The following FERMT1 variants were observed in gnomAD, a reference collection of about 807,000 sequenced individuals.
FERMT1 encodes the protein fermitin family homolog 1.
In FERMT1, 60 loss-of-function variants were observed where a neutral mutation model predicts 85.3. That is an observed-to-expected ratio of 0.70 (90% CI 0.57 to 0.87). FERMT1 has a LOEUF of 0.87. Ranked by LOEUF, FERMT1 falls within the 40% of genes least tolerant of loss-of-function variation. FERMT1 has a pLI of 0.00. For missense variants in FERMT1, 701 were observed against 818.9 expected, an observed-to-expected ratio of 0.86 and a Z score of 1.76; for synonymous variants, 275 against 301.1, an observed-to-expected ratio of 0.91 and a Z score of 0.90.
intron 13 of FERMT1, 139 bp from the exon 14 acceptor site, chr20:6,079,716 G>T: frequency 1.2e-6 from 1 of 828,110 alleles, no homozygotes; most frequent in Non-Finnish European, 1.9e-6. Flanking sequence ...TTAACTTTCT[G>T]CAGGGGGGCA....
In FERMT1 at chr20:6,097,006, C is replaced by G; in HGVS notation, c.985G>C (p.Ala329Pro). 6.2e-7 allele frequency: 1 copy of G among 1,613,946 alleles called. No homozygotes were observed. The highest frequency in any genetic ancestry group is 1.3e-5 in the African/African-American group (1 of 75,022). Residue 329 changes from alanine (A) to proline (P), a missense_variant, in exon 8 of 15, where the codon GCT becomes CCT. Transcript: ENST00000217289. The part of the protein sequence containing the change: ...QYHISKLSLS[A>P]ETQDFAGESE... ...TCGCCTGCAAAATCCTGTGTTTCAG[C>G]AGACAACGACAGTTTGCTAATGTGG... is the stretch of plus-strand genomic sequence containing the variant.
intron 13 of FERMT1, 117 bp downstream of exon 13, chr20:6,083,923 C>A: frequency 8.4e-7 from 1 of 1,187,980 alleles, no homozygotes; most frequent in Admixed American, 1.9e-5. Context: ...TATAAAAGGG[C>A]AATATTCTCA....
At chr20:6,111,630 T>TA (rs1032793957) in intron 4 of FERMT1, among the ~76,000 whole-genome samples, 3 of 149,422 alleles carry the variant, frequency 2.0e-5, no homozygotes, top group African/African-American at 7.4e-5. Flanking sequence ...AGACTCTGTC[T>TA]AAAAAAACAA....
intron 9 of FERMT1, among the ~76,000 whole-genome samples, chr20:6,094,601 C>T (rs998180716): frequency 6.6e-6 from 1 of 152,190 alleles, no homozygotes; most frequent in Non-Finnish European, 1.5e-5. Flanking sequence ...TGAGGGTTCA[C>T]GCTGCCATTC....
At chr20:6,091,881 G>C (rs1361255560) in intron 9 of FERMT1, among the ~76,000 whole-genome samples, 1 of 152,126 alleles carries the variant, frequency 6.6e-6, no homozygotes, top group Admixed American at 6.6e-5. Context: ...GCGATGCTGG[G>C]TGGTGAATGA....
chr20:6,103,380 C>T (rs897199162), intron 6 of FERMT1, among the ~76,000 whole-genome samples: 6 of 152,150 alleles, frequency 3.9e-5, no homozygotes, highest in African/African-American at 1.4e-4. Context: ...AATAACCGCC[C>T]CTGTATACCT....
At chr20:6,116,270 A>G (rs1490259703) in intron 2 of FERMT1, among the ~76,000 whole-genome samples, 1 of 152,228 alleles carries the variant, frequency 6.6e-6, no homozygotes, top group Non-Finnish European at 1.5e-5. Flanking sequence ...CCTAATGTAG[A>G]TGACAGGGTT....
rs1232461628 is a variant in FERMT1, at chr20:6,104,368, CT to C, written c.849+3163del. 6.6e-6 allele frequency among the ~76,000 whole-genome samples: 1 copy of C among 152,142 alleles called. No individual in the cohort carries two copies. The highest frequency in any genetic ancestry group is 1.5e-5 in the Non-Finnish European group (1 of 68,028). On this transcript the variant is annotated intron_variant, in intron 6 of 14. Coordinates refer to ENST00000217289, the MANE Select transcript of FERMT1 (RefSeq NM_017671.5). This position sits in a 1 kb window ranked among gnomAD's most constrained non-coding sequence, Gnocchi z 4.2. ...AGTGGCTTCATGGGTGTTCTTTCTT[CT>C]TCTTAGATTTGATTGTAGCTGCCAC...
At chr20:6,122,052 G>A (rs1397096539) in intron 1 of FERMT1, among the ~76,000 whole-genome samples, 1 of 152,210 alleles carries the variant, frequency 6.6e-6, no homozygotes, top group East Asian at 1.9e-4. Flanking sequence ...AACTTTTAAA[G>A]GTGATTCCTT....
intron 10 of FERMT1, 56 bp from the exon 11 acceptor site, chr20:6,087,939 A>C (rs1982231905): frequency 1.0e-6 from 1 of 958,712 alleles, no homozygotes. Flanking sequence ...TTAGATAAAC[A>C]TCAGGTGTGT....
intron 6 of FERMT1, among the ~76,000 whole-genome samples, chr20:6,103,767 GTTTTTTTTTT>G (rs66482243): frequency 9.8e-6 from 1 of 102,072 alleles, no homozygotes; most frequent in Non-Finnish European, 2.0e-5. Flanking sequence ...CTTTGTTATA[GTTTTTTTTTT>G]TTTTTTTTGG....
chr20:6,080,642 G>A (rs1256553923), intron 13 of FERMT1, among the ~76,000 whole-genome samples: 3 of 152,180 alleles, frequency 2.0e-5, no homozygotes, highest in African/African-American at 7.2e-5. Context: ...GTACTTTGAA[G>A]GTAGAGTCAC....
At chr20:6,096,075 A>G (rs1182206210) in intron 8 of FERMT1, among the ~76,000 whole-genome samples, 6 of 152,202 alleles carry the variant, frequency 3.9e-5, no homozygotes, top group African/African-American at 1.4e-4. Flanking sequence ...ATGACAAAAC[A>G]GTTTTCTTTG....
At chr20:6,089,237 C>A in intron 9 of FERMT1, 148 bp from the exon 10 acceptor site, 2 of 788,236 alleles carry the variant, frequency 2.5e-6, no homozygotes, top group Non-Finnish European at 4.1e-6. Flanking sequence ...AATTTCCAAG[C>A]GCTGGAAATG....
intron 4 of FERMT1, among the ~76,000 whole-genome samples, chr20:6,111,739 C>T (rs1423297813): frequency 6.6e-6 from 1 of 152,144 alleles, no homozygotes. Context: ...GGATGCTTCT[C>T]CTCCAGAATT....
chr20:6,085,854 A>AAT (rs2123101767), intron 11 of FERMT1, among the ~76,000 whole-genome samples: 1 of 151,914 alleles, frequency 6.6e-6, no homozygotes, highest in Admixed American at 6.6e-5. Context: ...GTCAAAAAAA[A>AAT]AAAATACCAG....
intron 14 of FERMT1, among the ~76,000 whole-genome samples, chr20:6,078,639 T>TG (rs35181846): frequency 5.1e-5 from 7 of 138,348 alleles, no homozygotes; most frequent in East Asian, 3.1e-4. Flanking sequence ...CAGCGTTTTT[T>TG]TTTTTTGTTT....
intron 14 of FERMT1, among the ~76,000 whole-genome samples, chr20:6,078,736 A>G (rs1428591671): frequency 6.8e-6 from 1 of 146,402 alleles, no homozygotes; most frequent in African/African-American, 2.5e-5. Flanking sequence ...GATCCTTCCC[A>G]CCTCGGCCTC....
chr20:6,110,900 C>G (rs541221722), intron 4 of FERMT1, among the ~76,000 whole-genome samples: 55 of 152,294 alleles, frequency 3.6e-4, no homozygotes, highest in Admixed American at 1.8e-3. Context: ...TAAAAGCCTT[C>G]AAAAATCAAC....
Sources: allele counts gnomAD v4.1 joint callset (sites outside exome capture counted in the v4.1 genomes callset), GRCh38; gene constraint gnomAD v4.1.1; non-coding constraint Gnocchi (gnomAD v3.1); transcripts MANE v1.5; gene names NCBI Gene and HGNC (gene_info 2026-07-23, HGNC 2026-07-21).